PCDHGA3: variants seen among roughly 807,000 people sequenced by gnomAD.
PCDHGA3 encodes protocadherin gamma-A3.
Under a neutral mutation model 58.5 loss-of-function variants are expected in PCDHGA3, and 40 were observed. The observed-to-expected ratio is 0.68, with a 90% confidence interval of 0.53 to 0.89. The LOEUF is 0.89. PCDHGA3 is among the 40% of genes least tolerant of loss of function. PCDHGA3 has a pLI of 0.00. For missense variants in PCDHGA3, 1,223 were observed against 1,195.9 expected, an observed-to-expected ratio of 1.02 and a Z score of -0.33; for synonymous variants, 530 against 525.7, an observed-to-expected ratio of 1.01 and a Z score of -0.11.
intron 1 of PCDHGA3, chr5:141,372,016 CGCTCAGCGCCAACGTGA>C (rs1768310600): frequency 6.2e-7 from 1 of 1,613,256 alleles, no homozygotes; most frequent in Non-Finnish European, 8.5e-7. Flanking sequence ...GGCTCGCCTA[CGCTCAGCGCCAACGTGA>C]GCCTGCGCGT....
Position 141,421,313 on chromosome 5 carries a change from C to T in PCDHGA3, c.2425-73494C>T, listed in dbSNP as rs201429116. 461 of 1,613,716 alleles carry T rather than the reference C, an allele frequency of 2.9e-4. No homozygotes were observed. Among genetic ancestry groups the T allele is most frequent in the Non-Finnish European group, 3.7e-4 (436 of 1,179,850 alleles). On this transcript the variant is annotated intron_variant, in intron 1 of 3. Coordinates refer to ENST00000253812, the MANE Select transcript of PCDHGA3 (RefSeq NM_018916.4). ...CTGGGGACGCTGCGGGGGTTCCGGGCCAGGCAGATCCGATATTCGGTGCCA... is the reference window on the plus strand; with the variant it reads ...CTGGGGACGCTGCGGGGGTTCCGGGTCAGGCAGATCCGATATTCGGTGCCA...
At chr5:141,479,855 C>T (rs1330076788) in intron 1 of PCDHGA3, among the ~76,000 whole-genome samples, 2 of 152,128 alleles carry the variant, frequency 1.3e-5, no homozygotes, top group Non-Finnish European at 2.9e-5. Context: ...ACTGCAAGGC[C>T]TTTGCCCTGG....
chr5:141,415,584 T>C lies in PCDHGA3; in HGVS notation c.2424+69127T>C, dbSNP rs763238799. 7.4e-6 allele frequency: 12 copies of C among 1,614,012 alleles called. No individual in the cohort carries two copies. In the South Asian group the frequency reaches 1.3e-4, roughly 18 times the overall value. ...TGTCTTTGTTAGATGATTCGAAGTT[T>C]CCTATAGAGGATACCCCATTGGTTC... On this transcript the variant is annotated intron_variant, in intron 1 of 3. Coordinates refer to ENST00000253812, the MANE Select transcript of PCDHGA3 (RefSeq NM_018916.4).
At chr5:141,357,424 G>A in intron 1 of PCDHGA3, 2 of 1,614,210 alleles carry the variant, frequency 1.2e-6, no homozygotes, top group Non-Finnish European at 1.7e-6. Flanking sequence ...GCACTTTGTG[G>A]GCGTGGACGG....
intron 1 of PCDHGA3, among the ~76,000 whole-genome samples, chr5:141,463,418 C>T (rs1442067485): frequency 3.6e-5 from 5 of 138,240 alleles, no homozygotes; most frequent in Admixed American, 2.9e-4. Flanking sequence ...TCCTAGTTTG[C>T]GGATCCTCAT....
chr5:141,423,809 G>C, intron 1 of PCDHGA3: 1 of 1,260,030 alleles, frequency 7.9e-7, no homozygotes, highest in Non-Finnish European at 1.0e-6. Context: ...ATACATGTGA[G>C]TTTTACTTTG....
At chr5:141,388,387 A>G (rs746929136) in intron 1 of PCDHGA3, 5 of 1,614,034 alleles carry the variant, frequency 3.1e-6, no homozygotes, top group South Asian at 2.2e-5. Flanking sequence ...AACACACTGC[A>G]GAATTACCAA....
At chr5:141,415,083 G>A (rs747351388) in intron 1 of PCDHGA3, 4 of 1,613,514 alleles carry the variant, frequency 2.5e-6, no homozygotes, top group Non-Finnish European at 3.4e-6. Context: ...CGCGAGCCCT[G>A]CTGGACAGAG....
At chr5:141,395,085 T>C (rs2093165281) in intron 1 of PCDHGA3, 1 of 1,614,026 alleles carries the variant, frequency 6.2e-7, no homozygotes, top group South Asian at 1.1e-5. Flanking sequence ...CCAGGAAGTC[T>C]CCCTCACCGC....
rs755163825 is a variant in PCDHGA3, at chr5:141,491,048, C to A, written c.2425-3759C>A. 6.2e-6 allele frequency: 10 copies of A among 1,613,948 alleles called. No individual in the cohort carries two copies. Among genetic ancestry groups the A allele is most frequent in the Non-Finnish European group, 7.6e-6 (9 of 1,179,960 alleles). ...GTGGATGCTGATGCAGGCCACAATG[C>A]GTGGCTCTCCTACTCACTGTTGCCA... On this transcript the variant is annotated intron_variant, in intron 1 of 3. Coordinates refer to ENST00000253812, the MANE Select transcript of PCDHGA3 (RefSeq NM_018916.4). The surrounding 1 kb of genome is among the most constrained non-coding windows in gnomAD (Gnocchi z 6.9).
chr5:141,432,611 T>C lies in PCDHGA3; in HGVS notation c.2425-62196T>C, dbSNP rs141541670. On this transcript the variant is annotated intron_variant, in intron 1 of 3. Transcript: ENST00000253812. This position sits in a 1 kb window ranked among gnomAD's most constrained non-coding sequence, Gnocchi z 6.0. ...CAAGGCCAGCGAGCCGGGACTCTTC[T>C]CGGTGGGTCTGCACACGGGCGAGGT... The C allele has an allele frequency of 2.5e-6, 4 of 1,613,860 alleles. No homozygotes were observed. In the South Asian group the frequency reaches 4.4e-5, roughly 18 times the overall value.
chr5:141,439,118 G>A (rs1293542421), intron 1 of PCDHGA3, among the ~76,000 whole-genome samples: 3 of 151,390 alleles, frequency 2.0e-5, no homozygotes, highest in Non-Finnish European at 4.4e-5. Flanking sequence ...ACTTGAACCC[G>A]GGAGACAGAG....
intron 1 of PCDHGA3, chr5:141,419,409 A>G: frequency 6.2e-7 from 1 of 1,613,462 alleles, no homozygotes; most frequent in Non-Finnish European, 8.5e-7. Flanking sequence ...GTGTTCGCGC[A>G]GCGCGCCTTC....
intron 1 of PCDHGA3, chr5:141,410,258 G>T: frequency 6.2e-7 from 1 of 1,614,022 alleles, no homozygotes; most frequent in Non-Finnish European, 8.5e-7. Flanking sequence ...TGACCCCCAG[G>T]CTGAACTGCA....
At chr5:141,389,367 G>A (rs1402654392) in intron 1 of PCDHGA3, 4 of 1,613,806 alleles carry the variant, frequency 2.5e-6, no homozygotes, top group South Asian at 1.1e-5. Context: ...CAGTGACCTG[G>A]AGCAGCGGGA....
chr5:141,343,884 G>C lies in PCDHGA3; in HGVS notation c.-150G>C, dbSNP rs1006041268. On this transcript the variant is annotated 5_prime_UTR_variant, in exon 1 of 4. Transcript: ENST00000253812. Reference sequence around the variant, plus strand: ...CCAGCAAATCAGACTCAGAAGATCCGGGGCGGCTGCCAACCTCACCTCTTA... The same window carrying C: ...CCAGCAAATCAGACTCAGAAGATCCCGGGCGGCTGCCAACCTCACCTCTTA... The C allele has an allele frequency of 1.5e-6, 1 of 648,930 alleles. No individual in the cohort carries two copies. The highest frequency in any genetic ancestry group is 2.6e-6 in the Non-Finnish European group (1 of 391,490). 40.2% of individuals were successfully genotyped at this position (648,930 alleles called of 1,614,324 possible).
chr5:141,351,703 C>T (rs761376222), intron 1 of PCDHGA3: 12 of 1,613,832 alleles, frequency 7.4e-6, no homozygotes, highest in Middle Eastern at 1.6e-4. Flanking sequence ...GACCCAACGG[C>T]AGAGTCTCCT....
At chr5:141,371,734 A>T in intron 1 of PCDHGA3, 1 of 1,614,042 alleles carries the variant, frequency 6.2e-7, no homozygotes, top group Non-Finnish European at 8.5e-7. Flanking sequence ...GATGTCAACG[A>T]CAACGTTCCC....
intron 1 of PCDHGA3, chr5:141,395,178 G>A: frequency 6.2e-7 from 1 of 1,614,142 alleles, no homozygotes; most frequent in East Asian, 2.2e-5. Flanking sequence ...TGAGAAAAAT[G>A]ATTCTTTGTT....
Sources: allele counts gnomAD v4.1 joint callset (sites outside exome capture counted in the v4.1 genomes callset), GRCh38; gene constraint gnomAD v4.1.1; non-coding constraint Gnocchi (gnomAD v3.1); transcripts MANE v1.5; gene names NCBI Gene and HGNC (gene_info 2026-07-23, HGNC 2026-07-21).